The following ZNF780A variants were observed in gnomAD, a reference collection of about 807,000 sequenced individuals.
The protein encoded by ZNF780A is zinc finger protein 780A.
In ZNF780A, 40 loss-of-function variants were observed where a neutral mutation model predicts 56.7. That is an observed-to-expected ratio of 0.71 (90% CI 0.55 to 0.92). The LOEUF (loss-of-function observed/expected upper bound fraction) is 0.92, where lower values mean the gene tolerates loss of function less well. Ranked by LOEUF, ZNF780A falls within the 40% of genes least tolerant of loss-of-function variation. The probability of loss-of-function intolerance (pLI) is 0.00; values close to 1 mark genes in which losing one functional copy is unlikely to be tolerated. For missense variants in ZNF780A, 672 were observed against 783.3 expected, an observed-to-expected ratio of 0.86 and a Z score of 1.70; for synonymous variants, 231 against 248.3, an observed-to-expected ratio of 0.93 and a Z score of 0.66.
chr19:40,074,214 A>G lies in ZNF780A; in HGVS notation c.*302T>C. ...CTTCTCGCCAGTATGAATGACCTGA[A>G]GTCCAGCAAGCTGTGTCAGAAAACT... On this transcript the variant is annotated 3_prime_UTR_variant, in exon 6 of 6. Coordinates refer to ENST00000683561, the MANE Select transcript of ZNF780A (RefSeq NM_001142578.2). The G allele has an allele frequency of 2.1e-6, 3 of 1,415,494 alleles. No homozygotes were observed. Among genetic ancestry groups the G allele is most frequent in the South Asian group, 1.5e-5 (1 of 67,036 alleles). 87.7% of individuals were successfully genotyped at this position (1,415,494 alleles called of 1,614,324 possible).
In ZNF780A at chr19:40,075,775, A is replaced by G; in HGVS notation, c.667T>C (p.Cys223Arg). ...KFHTGEKPFE[C>R]NECGKAFSLL... ...CTAAAGGCCTTTCCACATTCGTTAC[A>G]TTCAAAAGGTTTCTCACCAGTATGA... Residue 223 changes from cysteine to arginine, a missense_variant, in exon 6 of 6, where the codon TGT (cysteine) becomes CGT (arginine). Physicochemically the swap from Cys to Arg is radical, Grantham distance 180 (BLOSUM62 -3). Transcript: ENST00000683561. 2.5e-6 allele frequency: 4 copies of G among 1,614,138 alleles called. No homozygotes were observed. Among genetic ancestry groups the G allele is most frequent in the Non-Finnish European group, 3.4e-6 (4 of 1,180,002 alleles).
At position 40,075,652 on chromosome 19, in the gene ZNF780A, G is replaced by T; in HGVS notation, c.790C>A (p.Leu264Ile). 1 of 1,613,576 alleles carries T rather than the reference G, an allele frequency of 6.2e-7. No homozygotes were observed. Among genetic ancestry groups the T allele is most frequent in the Non-Finnish European group, 8.5e-7 (1 of 1,179,894 alleles). The stretch of plus-strand genomic sequence containing the variant: ...GAATGAATACTCTGATGTTGAACAA[G>T]GTTTGAGCTACGATTAAAGGACTTC... ...CGKSFNRSSN[L>I]VQHQSIHSGV... The change falls in exon 6 of 6, where the codon CTT becomes ATT. Residue 264 changes from leucine (L) to isoleucine (I), a missense_variant. By Grantham distance (5) the Leu-to-Ile change is conservative. Coordinates refer to ENST00000683561, the MANE Select transcript of ZNF780A (RefSeq NM_001142578.2).
At chr19:40,084,708 A>C in intron 3 of ZNF780A, 37 bp downstream of exon 3, 1 of 1,542,800 alleles carries the variant, frequency 6.5e-7, no homozygotes, top group Non-Finnish European at 8.8e-7. Context: ...CCTGAAAGTC[A>C]CCATATTTCA....
rs772975615 is a variant in ZNF780A, at chr19:40,075,989, A to G, written c.453T>C (p.His151=). The G allele has an allele frequency of 6.2e-7, 1 of 1,613,538 alleles. No individual in the cohort carries two copies. Among genetic ancestry groups the G allele is most frequent in the South Asian group, 1.1e-5 (1 of 90,940 alleles). The part of the protein sequence containing the change: ...KMISYEKLPT[H]TPHASLICNT... The stretch of plus-strand genomic sequence containing the variant: ...TGCAAATAAGAGAAGCATGAGGAGT[A>G]TGAGTAGGCAGTTTTTCATAGCTGA... The change falls in exon 6 of 6, where the codon CAT becomes CAC. Residue 151 remains histidine, a synonymous_variant. Coordinates refer to ENST00000683561, the MANE Select transcript of ZNF780A (RefSeq NM_001142578.2).
chr19:40,077,509 C>A (rs114289457), intron 5 of ZNF780A, among the ~76,000 whole-genome samples: 1 of 152,144 alleles, frequency 6.6e-6, no homozygotes, highest in Non-Finnish European at 1.5e-5. Context: ...TGGTGCTAAG[C>A]CATTCATGAG....
chr19:40,087,139 T>C (rs1424609998), intron 2 of ZNF780A, among the ~76,000 whole-genome samples: 1 of 152,258 alleles, frequency 6.6e-6, no homozygotes, highest in Non-Finnish European at 1.5e-5. Flanking sequence ...GAGTCTAGTA[T>C]GATTAGCTTA....
At chr19:40,088,329 T>C (rs1025541827) in intron 2 of ZNF780A, among the ~76,000 whole-genome samples, 3 of 151,084 alleles carry the variant, frequency 2.0e-5, no homozygotes, top group Non-Finnish European at 4.4e-5. Context: ...AAAAAAAACC[T>C]GATTAAAAGA....
At chr19:40,077,882 C>CAAA (rs1212498266) in intron 5 of ZNF780A, among the ~76,000 whole-genome samples, 5 of 111,630 alleles carry the variant, frequency 4.5e-5, no homozygotes, top group African/African-American at 1.6e-4. Context: ...CAGGAAATAA[C>CAAA]AAAAAAAAAA....
At chr19:40,082,627 T>C (rs1405801267) in intron 4 of ZNF780A, among the ~76,000 whole-genome samples, 2 of 152,180 alleles carry the variant, frequency 1.3e-5, no homozygotes, top group Non-Finnish European at 2.9e-5. Flanking sequence ...TCTCGGTCTA[T>C]TGCCCAGGCT....
chr19:40,081,758 CT>C, intron 5 of ZNF780A, 60 bp downstream of exon 5: 1 of 1,428,380 alleles, frequency 7.0e-7, no homozygotes, highest in Non-Finnish European at 9.8e-7. Context: ...TGTATGACTC[CT>C]TTCTGAGCAC....
rs1974055172 is a variant in ZNF780A at position 40,075,364 on chromosome 19, G to T, written c.1078C>A (p.Pro360Thr). 6.2e-7 allele frequency: 1 copy of T among 1,613,962 alleles called. No homozygotes were observed. Among genetic ancestry groups the T allele is most frequent in the Non-Finnish European group, 8.5e-7 (1 of 1,180,030 alleles). ...RHQKIHTGEK[P>T]FECRECGKAF... ...TTCCCACATTCCCTGCATTCAAAGG[G>T]TTTCTCACCAGTATGAATCTTCTGA... Residue 360 changes from proline to threonine, a missense_variant, in exon 6 of 6, where the codon CCC (proline) becomes ACC (threonine). Pro to Thr is a conservative substitution (Grantham distance 38). Transcript: ENST00000683561.
At chr19:40,085,487 A>G (rs1036864911) in intron 2 of ZNF780A, 1 of 374,054 alleles carries the variant, frequency 2.7e-6, no homozygotes, top group Non-Finnish European at 3.7e-6. Context: ...AATACTAATA[A>G]AAAGACTAAC....
At chr19:40,083,283 T>C (rs774598992) in intron 3 of ZNF780A, 46 bp from the exon 4 acceptor site, 1 of 1,607,930 alleles carries the variant, frequency 6.2e-7, no homozygotes, top group Admixed American at 1.7e-5. Context: ...AAGAAAGTTG[T>C]TTTAAGATGA....
rs1599832132 is a variant in ZNF780A, at chr19:40,075,593, C to T, written c.849G>A (p.Gly283=). 1 of 1,613,774 alleles carries T rather than the reference C, an allele frequency of 6.2e-7. No homozygotes were observed. Among genetic ancestry groups the T allele is most frequent in the Non-Finnish European group, 8.5e-7 (1 of 1,179,950 alleles). ...GGTGTGCACCACGATTAAAGCCTTT[C>T]CCACACTCCTTACATTCATATGGTT... is the stretch of plus-strand genomic sequence containing the variant. ...GVKPYECKEC[G]KGFNRGAHLI... The change falls in exon 6 of 6, where the codon GGG becomes GGA. Residue 283 remains glycine (G), a synonymous_variant. Coordinates refer to ENST00000683561, the MANE Select transcript of ZNF780A (RefSeq NM_001142578.2).
chr19:40,080,433 T>G (rs1974409861), intron 5 of ZNF780A, among the ~76,000 whole-genome samples: 1 of 152,178 alleles, frequency 6.6e-6, no homozygotes, highest in African/African-American at 2.4e-5. Context: ...TCAACCTAAA[T>G]GTCCATCAAT....
intron 5 of ZNF780A, among the ~76,000 whole-genome samples, chr19:40,081,580 C>T (rs1370783411): frequency 2.0e-5 from 3 of 151,608 alleles, no homozygotes; most frequent in Non-Finnish European, 4.4e-5. Context: ...GGAACTTACT[C>T]CACTAAAAGG....
intron 5 of ZNF780A, 95 bp downstream of exon 5, chr19:40,081,724 A>C: frequency 9.2e-7 from 1 of 1,082,198 alleles, no homozygotes; most frequent in Admixed American, 1.8e-5. Context: ...TCACTGAAGA[A>C]AGCTTTTCAA....
chr19:40,081,139 C>T (rs142811767), intron 5 of ZNF780A, among the ~76,000 whole-genome samples: 8 of 151,472 alleles, frequency 5.3e-5, no homozygotes, highest in South Asian at 2.1e-4. Flanking sequence ...AAACTATCAT[C>T]GGAGGGAATA....
intron 5 of ZNF780A, among the ~76,000 whole-genome samples, chr19:40,077,965 G>A (rs1172465222): frequency 6.7e-6 from 1 of 149,610 alleles, no homozygotes. Context: ...GGAGAAAAAT[G>A]CTATATCCTA....
Sources: allele counts gnomAD v4.1 joint callset (sites outside exome capture counted in the v4.1 genomes callset), GRCh38; gene constraint gnomAD v4.1.1; transcripts MANE v1.5; gene names NCBI Gene and HGNC (gene_info 2026-07-23, HGNC 2026-07-21).